MISP: variants seen among roughly 807,000 people sequenced by gnomAD.
MISP encodes mitotic spindle positioning, also known as mitotic interactor and substrate of PLK1.
Under a neutral mutation model 49.3 loss-of-function variants are expected in MISP, and 51 were observed. The ratio of observed to expected loss-of-function variants is 1.03; its 90% CI spans 0.83 to 1.31. MISP has a LOEUF of 1.31. Among genes scored for constraint, MISP ranks in the 50% most tolerant of loss-of-function variants. The probability of loss-of-function intolerance (pLI) is 0.00; values close to 1 mark genes in which losing one functional copy is unlikely to be tolerated. For missense variants in MISP, 1,084 were observed against 935.1 expected, an observed-to-expected ratio of 1.16 and a Z score of -2.08; for synonymous variants, 444 against 392.6, an observed-to-expected ratio of 1.13 and a Z score of -1.55.
At position 756,940 on chromosome 19, in the gene MISP, G is replaced by A. The variant is rs367705424; in HGVS notation, c.-7G>A. ...GGAGGAAGGCTGAGGCCAAGACCCC[G>A]GAAGAGATGGACCGCGTGACCAGAT... On this transcript the variant is annotated 5_prime_UTR_variant, in exon 2 of 5. Transcript: ENST00000215582. 1.6e-4 allele frequency: 244 copies of A among 1,533,272 alleles called. 1 individual carries two copies. Among genetic ancestry groups the A allele is most frequent in the Middle Eastern group, 3.4e-4 (2 of 5,820 alleles). 95.0% of individuals were successfully genotyped at this position (1,533,272 alleles called of 1,614,324 possible). A position where few individuals can be genotyped will look rare whatever the true frequency, so the allele number is the denominator to read the frequency against.
intron 1 of MISP, among the ~76,000 whole-genome samples, chr19:751,783 G>A (rs2033463696): frequency 1.3e-5 from 2 of 152,170 alleles, no homozygotes; most frequent in African/African-American, 2.4e-5. Flanking sequence ...GTGGAGCTCC[G>A]CCCAGGAGCC....
chr19:759,294 G>A (rs770247958), intron 2 of MISP, among the ~76,000 whole-genome samples: 1 of 152,034 alleles, frequency 6.6e-6, no homozygotes, highest in African/African-American at 2.4e-5. Context: ...AAAGTGCTGG[G>A]ATTACAAGCA....
chr19:751,431 G>C (rs1002350986), intron 1 of MISP, among the ~76,000 whole-genome samples: 1 of 152,188 alleles, frequency 6.6e-6, no homozygotes, highest in African/African-American at 2.4e-5. Flanking sequence ...CCTGAACTCT[G>C]CTGGGGCTTT....
rs1321833906 is a variant in MISP at position 757,654 on chromosome 19, G to A, written c.708G>A (p.Lys236=). ...GASQAPKAFN[K]PHLANGHVVP... ...GCCAGGCCCCCAAGGCCTTCAACAA[G>A]CCCCACCTGGCCAACGGGCACGTGG... The change falls in exon 2 of 5, where the codon AAG becomes AAA. Residue 236 remains lysine (K), a synonymous_variant. Coordinates refer to ENST00000215582, the MANE Select transcript of MISP (RefSeq NM_173481.4). The A allele has an allele frequency of 6.2e-7, 1 of 1,613,128 alleles. No individual in the cohort carries two copies. The highest frequency in any genetic ancestry group is 1.7e-5 in the Admixed American group (1 of 59,904).
chr19:748,544 T>TG (rs1555692459), upstream of MISP, among the ~76,000 whole-genome samples: 1 of 152,088 alleles, frequency 6.6e-6, no homozygotes, highest in Admixed American at 6.5e-5. Flanking sequence ...GGGGCTGCTG[T>TG]GGGGGGGCAG....
At position 757,371 on chromosome 19, in the gene MISP, A is replaced by C; in HGVS notation, c.425A>C (p.Glu142Ala). Residue 142 changes from glutamate to alanine, a missense_variant, in exon 2 of 5, where the codon GAG becomes GCG. Physicochemically the swap from Glu to Ala is moderately radical, Grantham distance 107. Transcript: ENST00000215582. ...DPRRLCDLER[E>A]RWAVIQGQAV... Reference sequence around the variant, plus strand: ...AGGAGGCTGTGTGACCTGGAGCGGGAGCGCTGGGCCGTCATCCAGGGCCAG... The same window carrying C: ...AGGAGGCTGTGTGACCTGGAGCGGGCGCGCTGGGCCGTCATCCAGGGCCAG... 1.2e-6 allele frequency: 2 copies of C among 1,612,490 alleles called. No homozygotes were observed. Among genetic ancestry groups the C allele is most frequent in the Non-Finnish European group, 1.7e-6 (2 of 1,179,478 alleles).
chr19:762,809 T>G (rs2033694524), intron 4 of MISP, among the ~76,000 whole-genome samples: 1 of 152,038 alleles, frequency 6.6e-6, no homozygotes, highest in East Asian at 1.9e-4. Flanking sequence ...AATGTGCCAC[T>G]GCACCCAGAT....
intron 4 of MISP, 93 bp downstream of exon 4, chr19:761,756 T>G: frequency 7.2e-7 from 1 of 1,391,244 alleles, no homozygotes; most frequent in Non-Finnish European, 1.0e-6. Context: ...TTCCTCCAGG[T>G]GTGGGGATCG....
Position 758,446 on chromosome 19 carries a change from G to T in MISP, c.1500G>T (p.Arg500=). 1.2e-6 allele frequency: 2 copies of T among 1,614,214 alleles called. No homozygotes were observed. The highest frequency in any genetic ancestry group is 1.7e-6 in the Non-Finnish European group (2 of 1,180,042). Residue 500 remains arginine, a synonymous_variant, in exon 2 of 5, where the codon CGG becomes CGT. Transcript: ENST00000215582. ...CGCAAGCCAACAGGGGTGTCGTGCG[G>T]TGGGAGTACTTCCGCCTGCGTCCTC... ...GCPQANRGVV[R]WEYFRLRPLR...
rs757882556 is a variant in MISP at position 759,906 on chromosome 19, C to T, written c.1781-3C>T. Reference sequence around the variant, plus strand: ...ATGTTCTGCCCTCCCTGCTCCCCTACAGGCATCACGGGCAGTTACTCGGTG... The same window carrying T: ...ATGTTCTGCCCTCCCTGCTCCCCTATAGGCATCACGGGCAGTTACTCGGTG... On this transcript the variant is annotated splice_polypyrimidine_tract_variant and splice_region_variant and intron_variant, in intron 2 of 4. Coordinates refer to ENST00000215582, the MANE Select transcript of MISP (RefSeq NM_173481.4). 4.3e-5 allele frequency: 70 copies of T among 1,613,892 alleles called. No homozygotes were observed. Among genetic ancestry groups the T allele is most frequent in the South Asian group, 1.1e-4 (10 of 91,084 alleles).
rs2033575981 is a variant in MISP, at chr19:757,543, G to A, written c.597G>A (p.Gln199=). 6.2e-7 allele frequency: 1 copy of A among 1,612,300 alleles called. No homozygotes were observed. The highest frequency in any genetic ancestry group is 1.1e-5 in the South Asian group (1 of 90,740). The change falls in exon 2 of 5, where the codon CAG becomes CAA. Residue 199 remains glutamine, a synonymous_variant. Coordinates refer to ENST00000215582, the MANE Select transcript of MISP (RefSeq NM_173481.4). ...EQIDFLAARQ[Q]FLSLEQANKG... ...TTGACTTCCTGGCAGCGAGACAGCA[G>A]TTCCTGAGTCTGGAGCAGGCGAACA...
intron 1 of MISP, among the ~76,000 whole-genome samples, chr19:755,958 TGG>T (rs2033543047): frequency 6.6e-6 from 1 of 150,942 alleles, no homozygotes; most frequent in South Asian, 2.1e-4. Flanking sequence ...AAGGCTGAGC[TGG>T]ACTCCACAGG....
intron 4 of MISP, 118 bp from the exon 5 acceptor site, chr19:763,383 A>G: frequency 1.4e-6 from 1 of 692,584 alleles, no homozygotes; most frequent in Admixed American, 2.1e-5. Flanking sequence ...TCTGAAACAG[A>G]GGAGGGGATC....
Position 756,995 on chromosome 19 carries a change from C to G in MISP, c.49C>G (p.Arg17Gly). 6.3e-7 allele frequency: 1 copy of G among 1,598,874 alleles called. No homozygotes were observed. Among genetic ancestry groups the G allele is most frequent in the South Asian group, 1.1e-5 (1 of 89,330 alleles). Residue 17 changes from arginine to glycine, a missense_variant, in exon 2 of 5, where the codon CGT becomes GGT. Arg to Gly is a moderately radical substitution (Grantham distance 125). Transcript: ENST00000215582. ...YPILGIPQAH[R>G]GTGLVLDGDT... is the part of the protein sequence containing the mutation. ...CATCCTGGGCATCCCTCAGGCACAC[C>G]GTGGCACCGGCCTGGTGCTGGATGG...
intron 3 of MISP, 59 bp from the exon 4 acceptor site, chr19:761,566 C>T (rs929577902): frequency 7.5e-6 from 12 of 1,599,524 alleles, no homozygotes; most frequent in Admixed American, 3.3e-5. Context: ...GAGCTCTGGT[C>T]GGACTCTGCA....
Position 757,399 on chromosome 19 carries a change from A to G in MISP, c.453A>G (p.Ala151=). 6.2e-7 allele frequency: 1 copy of G among 1,607,150 alleles called. No homozygotes were observed. The highest frequency in any genetic ancestry group is 1.7e-4 in the Middle Eastern group (1 of 6,048). The change falls in exon 2 of 5, where the codon GCA becomes GCG. Residue 151 remains alanine (A), a synonymous_variant. Coordinates refer to ENST00000215582, the MANE Select transcript of MISP (RefSeq NM_173481.4). ...GCTGGGCCGTCATCCAGGGCCAGGCAGTCAGGAAGAGCAGCACCGTGGCCA... is the reference window on the plus strand; with the variant it reads ...GCTGGGCCGTCATCCAGGGCCAGGCGGTCAGGAAGAGCAGCACCGTGGCCA... ...RERWAVIQGQ[A]VRKSSTVATL...
chr19:752,390 G>A (rs2033473462), intron 1 of MISP, among the ~76,000 whole-genome samples: 1 of 152,194 alleles, frequency 6.6e-6, no homozygotes, highest in South Asian at 2.1e-4. Flanking sequence ...CGGGCGTGGT[G>A]GCGGGCGCCT....
chr19:749,484 C>T (rs1209009265), upstream of MISP, among the ~76,000 whole-genome samples: 2 of 141,312 alleles, frequency 1.4e-5, no homozygotes, highest in Non-Finnish European at 3.0e-5. Flanking sequence ...CACCCAGCAG[C>T]GTTAGGTGCC....
intron 1 of MISP, among the ~76,000 whole-genome samples, chr19:755,729 C>G (rs980410888): frequency 6.6e-6 from 1 of 152,024 alleles, no homozygotes; most frequent in Non-Finnish European, 1.5e-5. Flanking sequence ...CTCAGGAGTT[C>G]GAGACCAACC....
Sources: gnomAD v4.1 joint callset for allele counts (sites outside exome capture counted in the v4.1 genomes callset) on GRCh38, gnomAD v4.1.1 for gene constraint, MANE v1.5 for transcripts, NCBI Gene and HGNC (gene_info 2026-07-23, HGNC 2026-07-21) for gene names.